The following RPTOR variants were observed in gnomAD, a reference collection of about 807,000 sequenced individuals.
RPTOR encodes regulatory associated protein of MTOR complex 1.
In RPTOR, 21 loss-of-function variants were observed where a neutral mutation model predicts 169.9. The ratio of observed to expected loss-of-function variants is 0.12; its 90% CI spans 0.09 to 0.18. RPTOR has a LOEUF of 0.18. RPTOR is among the 10% of genes least tolerant of loss of function. RPTOR has a pLI of 1.00. For synonymous variants in RPTOR, 732 were observed against 753.2 expected, an observed-to-expected ratio of 0.97 and a Z score of 0.46; for missense variants, 1,133 against 1,855.9, an observed-to-expected ratio of 0.61 and a Z score of 7.16.
chr17:80,828,196 C>T (rs189402356), intron 9 of RPTOR, among the ~76,000 whole-genome samples: 288 of 152,274 alleles, frequency 1.9e-3, no homozygotes, highest in Non-Finnish European at 3.2e-3. Context: ...GGTGTCTGAA[C>T]GAGTCTGATC....
At chr17:80,563,306 G>A (rs924107649) in intron 1 of RPTOR, among the ~76,000 whole-genome samples, 3 of 151,580 alleles carry the variant, frequency 2.0e-5, no homozygotes, top group Admixed American at 6.6e-5. Flanking sequence ...AGGCTGAGGC[G>A]GGTGGATCAC....
chr17:80,959,291 A>G lies in RPTOR; in HGVS notation c.3478-787A>G, dbSNP rs1371371231. On this transcript the variant is annotated intron_variant, in intron 29 of 33. Coordinates refer to ENST00000306801, the MANE Select transcript of RPTOR (RefSeq NM_020761.3). The surrounding 1 kb of genome is among the most constrained non-coding windows in gnomAD (Gnocchi z 6.7). ...ACGTAGCCCTCAGGGCACAGCGTGGACACCCTGATCCTCAGGGTCTGGTCA... is the reference window on the plus strand; with the variant it reads ...ACGTAGCCCTCAGGGCACAGCGTGGGCACCCTGATCCTCAGGGTCTGGTCA... Among the ~76,000 whole-genome samples, 1 of 152,116 alleles carries G rather than the reference A, an allele frequency of 6.6e-6. No individual in the cohort carries two copies.
intron 3 of RPTOR, among the ~76,000 whole-genome samples, chr17:80,702,850 G>A (rs991097891): frequency 2.0e-5 from 3 of 152,182 alleles, no homozygotes; most frequent in Admixed American, 1.3e-4. Flanking sequence ...AGGAGACAGC[G>A]AATGATTTTC....
rs2144089193 is a variant in RPTOR at position 80,957,638 on chromosome 17, G to A, written c.3385G>A (p.Val1129Met). The change falls in exon 29 of 34, where the codon GTG (valine) becomes ATG (methionine). Residue 1129 changes from valine (V) to methionine (M), a missense_variant. Coordinates refer to ENST00000306801, the MANE Select transcript of RPTOR (RefSeq NM_020761.3). The surrounding 1 kb of genome is among the most constrained non-coding windows in gnomAD (Gnocchi z 4.6). ...TATCTCTCCAGGAGCTGGGATGGTG[G>A]TGGACTGGGAGCAGGAGACCGGCCT... Reference protein sequence around the residue: ...LPTTRGAGMVVDWEQETGLLM... With the variant: ...LPTTRGAGMVMDWEQETGLLM... The A allele has an allele frequency of 6.2e-7, 1 of 1,614,156 alleles. No homozygotes were observed. Among genetic ancestry groups the A allele is most frequent in the Non-Finnish European group, 8.5e-7 (1 of 1,180,034 alleles).
chr17:80,820,260 C>T lies in RPTOR; in HGVS notation c.891-1941C>T, dbSNP rs1375988418. On this transcript the variant is annotated intron_variant, in intron 7 of 33. Coordinates refer to ENST00000306801, the MANE Select transcript of RPTOR (RefSeq NM_020761.3). This position sits in a 1 kb window ranked among gnomAD's most constrained non-coding sequence, Gnocchi z 4.1. ...CAGCTTGAAAGAGGCGGTGTTTTTG[C>T]GGAACAGTTATTGACGATCTTGTCA... Among the ~76,000 whole-genome samples, 4 of 151,768 alleles carry T rather than the reference C, an allele frequency of 2.6e-5. No individual in the cohort carries two copies. The highest frequency in any genetic ancestry group is 4.8e-5 in the African/African-American group (2 of 41,276).
At chr17:80,848,358 T>G (rs912542049) in intron 11 of RPTOR, among the ~76,000 whole-genome samples, 1 of 152,268 alleles carries the variant, frequency 6.6e-6, no homozygotes, top group African/African-American at 2.4e-5. Flanking sequence ...AGTTGCTTTT[T>G]GGACATTGCA....
rs1599635767 is a variant in RPTOR at position 80,651,541 on chromosome 17, T to A, written c.348+7731T>A. Among the ~76,000 whole-genome samples, 1 of 152,170 alleles carries A rather than the reference T, an allele frequency of 6.6e-6. No homozygotes were observed. The highest frequency in any genetic ancestry group is 1.9e-4 in the East Asian group (1 of 5,158). On this transcript the variant is annotated intron_variant, in intron 3 of 33. Transcript: ENST00000306801. The surrounding 1 kb of genome is among the most constrained non-coding windows in gnomAD (Gnocchi z 4.1). ...GGTATGACACATAATGGAGATTTTT[T>A]TAAAATGGACATACGAAGCACATAA... is the stretch of plus-strand genomic sequence containing the variant.
Position 80,835,617 on chromosome 17 carries a change from G to T in RPTOR, c.1137-2305G>T, listed in dbSNP as rs558062163. Among the ~76,000 whole-genome samples, 6 of 152,330 alleles carry T rather than the reference G, an allele frequency of 3.9e-5. No individual in the cohort carries two copies. The East Asian group carries it at 1.2e-3, about 29-fold the overall frequency. On this transcript the variant is annotated intron_variant, in intron 9 of 33. Transcript: ENST00000306801. ...GAGGGCCACCACGCTGCCACAGGTG[G>T]ACAGTTCCCCTCCCGACCTTGCGGG...
chr17:80,586,799 A>G (rs2065064084), intron 1 of RPTOR, among the ~76,000 whole-genome samples: 1 of 152,252 alleles, frequency 6.6e-6, no homozygotes, highest in Admixed American at 6.5e-5. Context: ...GTCTGGACCA[A>G]ACGTCTGATT....
chr17:80,943,975 T>G (rs911050986), intron 25 of RPTOR, among the ~76,000 whole-genome samples: 3 of 152,208 alleles, frequency 2.0e-5, no homozygotes, highest in East Asian at 3.9e-4. Flanking sequence ...GCTTGTGTCC[T>G]TGGTGCCACA....
chr17:80,787,080 T>C lies in RPTOR; in HGVS notation c.831-4370T>C, dbSNP rs149331604. Among the ~76,000 whole-genome samples, 1,227 of 152,304 alleles carry C rather than the reference T, an allele frequency of 8.1e-3. 21 individuals are homozygous for C. The highest frequency in any genetic ancestry group is 0.028 in the African/African-American group (1,183 of 41,586). The stretch of plus-strand genomic sequence containing the variant: ...GCACACGCACCTGCCGCCCCCGCCC[T>C]GTGACCACCGCCCTGAGTGCCGGGC... On this transcript the variant is annotated intron_variant, in intron 6 of 33. Coordinates refer to ENST00000306801, the MANE Select transcript of RPTOR (RefSeq NM_020761.3).
rs747944192 is a variant in RPTOR at position 80,923,678 on chromosome 17, G to A, written c.2808+5G>A. ...TTCGACAAGGGCCCAGAGCAGGTACGGGAGCCCGGCTGCCTGGTGATCTGG... is the reference window on the plus strand; with the variant it reads ...TTCGACAAGGGCCCAGAGCAGGTACAGGAGCCCGGCTGCCTGGTGATCTGG... On this transcript the variant is annotated splice_donor_5th_base_variant and intron_variant, in intron 23 of 33. Transcript: ENST00000306801. 2.1e-5 allele frequency: 33 copies of A among 1,581,644 alleles called. No homozygotes were observed. The highest frequency in any genetic ancestry group is 1.7e-4 in the Middle Eastern group (1 of 5,956).
chr17:80,679,351 G>A (rs1471421288), intron 3 of RPTOR, among the ~76,000 whole-genome samples: 1 of 152,222 alleles, frequency 6.6e-6, no homozygotes, highest in African/African-American at 2.4e-5. Flanking sequence ...CAGTCGGCTG[G>A]CTCAGGCACA....
At chr17:80,783,842 T>A (rs1205098889) in intron 6 of RPTOR, among the ~76,000 whole-genome samples, 1 of 152,274 alleles carries the variant, frequency 6.6e-6, no homozygotes, top group African/African-American at 2.4e-5. Flanking sequence ...TTGCACTTAA[T>A]TTGTATCTTG....
rs1309149838 is a variant in RPTOR, at chr17:80,960,537, C to T, written c.3605+332C>T. Among the ~76,000 whole-genome samples, 1 of 152,252 alleles carries T rather than the reference C, an allele frequency of 6.6e-6. No individual in the cohort carries two copies. The highest frequency in any genetic ancestry group is 1.5e-5 in the Non-Finnish European group (1 of 68,040). ...GGCCGCAGCCAGGCACCTGCCACCT[C>T]TGAGCTCACCTGAACAGAATACTGC... is the stretch of plus-strand genomic sequence containing the variant. On this transcript the variant is annotated intron_variant, in intron 30 of 33. Transcript: ENST00000306801. This position sits in a 1 kb window ranked among gnomAD's most constrained non-coding sequence, Gnocchi z 4.8.
chr17:80,575,716 C>A (rs2064957228), intron 1 of RPTOR, among the ~76,000 whole-genome samples: 1 of 152,158 alleles, frequency 6.6e-6, no homozygotes, highest in East Asian at 1.9e-4. Flanking sequence ...TATACGTGTC[C>A]ATTAAGTCAA....
At chr17:80,831,718 C>T (rs1179669618) in intron 9 of RPTOR, among the ~76,000 whole-genome samples, 5 of 151,964 alleles carry the variant, frequency 3.3e-5, no homozygotes, top group African/African-American at 4.8e-5. Flanking sequence ...ACTGTGTATC[C>T]CTGTGTGTCA....
rs191857861 is a variant in RPTOR at position 80,628,173 on chromosome 17, T to C, written c.265+2380T>C. On this transcript the variant is annotated intron_variant, in intron 2 of 33. Transcript: ENST00000306801. ...TTAATTCTTTAAGGAACTGCTGAAC[T>C]GTCGGTTTTTTAAAGATCTTTAAAA... Among the ~76,000 whole-genome samples, 454 of 152,322 alleles carry C rather than the reference T, an allele frequency of 3.0e-3. 2 individuals carry two copies. Among genetic ancestry groups the C allele is most frequent in the African/African-American group, 0.01 (416 of 41,558 alleles).
intron 4 of RPTOR, among the ~76,000 whole-genome samples, chr17:80,712,768 G>A (rs1448850591): frequency 3.3e-5 from 5 of 152,154 alleles, no homozygotes; most frequent in South Asian, 2.1e-4. Flanking sequence ...TGTCTACGCC[G>A]TTTTGCATTC....
Sources: gnomAD v4.1 joint callset for allele counts (sites outside exome capture counted in the v4.1 genomes callset) on GRCh38, gnomAD v4.1.1 for gene constraint, Gnocchi (gnomAD v3.1) non-coding constraint, MANE v1.5 for transcripts, NCBI Gene and HGNC (gene_info 2026-07-23, HGNC 2026-07-21) for gene names.